NRG3: variants seen among roughly 807,000 people sequenced by gnomAD.
NRG3 encodes the protein neuregulin 3, also known as pro-neuregulin-3, membrane-bound isoform.
A neutral mutation model predicts 66.9 loss-of-function variants in NRG3; 31 were observed. The ratio of observed to expected loss-of-function variants is 0.46; its 90% CI spans 0.35 to 0.63. The LOEUF is 0.63. Among genes scored for constraint, NRG3 ranks in the 20% least tolerant of loss-of-function variants. The probability of loss-of-function intolerance (pLI) is 0.00; values close to 1 mark genes in which losing one functional copy is unlikely to be tolerated. For missense variants in NRG3, 910 were observed against 878.9 expected, an observed-to-expected ratio of 1.04 and a Z score of -0.45; for synonymous variants, 393 against 359.4, an observed-to-expected ratio of 1.09 and a Z score of -1.06.
chr10:82,980,829 C>T (rs558956696), intron 8 of NRG3, among the ~76,000 whole-genome samples: 1 of 152,196 alleles, frequency 6.6e-6, no homozygotes, highest in Non-Finnish European at 1.5e-5. Flanking sequence ...GTTTGCATTT[C>T]TCTTGGTCTT....
chr10:82,015,957 T>A (rs562174955), intron 1 of NRG3, among the ~76,000 whole-genome samples: 1 of 151,230 alleles, frequency 6.6e-6, no homozygotes. Flanking sequence ...ATCATCATTT[T>A]CATTGATGTT....
intron 2 of NRG3, among the ~76,000 whole-genome samples, chr10:82,441,982 G>A (rs2090455249): frequency 6.6e-6 from 1 of 152,172 alleles, no homozygotes; most frequent in Admixed American, 6.5e-5. Context: ...TGGGATTGCT[G>A]TTGTACTGTA....
chr10:82,533,341 A>G (rs962989031), intron 2 of NRG3, among the ~76,000 whole-genome samples: 2 of 151,938 alleles, frequency 1.3e-5, no homozygotes, highest in African/African-American at 4.8e-5. Flanking sequence ...TGCTTTTGGT[A>G]TTATATCTGT....
At chr10:82,724,275 G>A (rs1245587511) in intron 2 of NRG3, among the ~76,000 whole-genome samples, 1 of 151,422 alleles carries the variant, frequency 6.6e-6, no homozygotes, top group Non-Finnish European at 1.5e-5. Flanking sequence ...AGGTACATGA[G>A]GCTTTTAATA....
chr10:82,591,128 G>A (rs577579589), intron 2 of NRG3, among the ~76,000 whole-genome samples: 9 of 152,290 alleles, frequency 5.9e-5, no homozygotes, highest in African/African-American at 1.7e-4. Context: ...GGGTTTCTCA[G>A]GTTCTCCTGA....
chr10:82,483,064 C>G (rs531805583), intron 2 of NRG3, among the ~76,000 whole-genome samples: 1 of 152,136 alleles, frequency 6.6e-6, no homozygotes, highest in Non-Finnish European at 1.5e-5. Context: ...TTCAAAGTTT[C>G]TGTCCAGGAA....
chr10:82,011,269 T>C (rs1320017278), intron 1 of NRG3, among the ~76,000 whole-genome samples: 4 of 152,176 alleles, frequency 2.6e-5, no homozygotes, highest in African/African-American at 9.7e-5. Flanking sequence ...CTTCCATTTA[T>C]AGAAGCATCA....
rs149267641 is a variant in NRG3 at position 82,244,202 on chromosome 10, G to A, written c.824-114537G>A. ...GGCTTGGACAGTGACAATAGCATTC[G>A]TGCTGTTCAACTGGCAGGGAACCTA... On this transcript the variant is annotated intron_variant, in intron 1 of 8. Coordinates refer to ENST00000372141, the MANE Select transcript of NRG3 (RefSeq NM_001010848.4). Among the ~76,000 whole-genome samples, 942 of 152,130 alleles carry A rather than the reference G, an allele frequency of 6.2e-3. 5 individuals carry two copies. The highest frequency in any genetic ancestry group is 0.016 in the African/African-American group (657 of 41,510).
intron 1 of NRG3, among the ~76,000 whole-genome samples, chr10:82,301,059 A>C (rs188636511): frequency 1.3e-4 from 20 of 152,334 alleles, no homozygotes; most frequent in Non-Finnish European, 5.9e-5. Context: ...TGTGCATTAA[A>C]ATATCTCTTG....
At chr10:81,905,944 C>G (rs1844560415) in intron 1 of NRG3, among the ~76,000 whole-genome samples, 1 of 152,160 alleles carries the variant, frequency 6.6e-6, no homozygotes. Flanking sequence ...TTCTTTAGCC[C>G]TACAGTTTAT....
chr10:82,325,710 T>C (rs1179477783), intron 1 of NRG3, among the ~76,000 whole-genome samples: 1 of 152,172 alleles, frequency 6.6e-6, no homozygotes, highest in Non-Finnish European at 1.5e-5. Context: ...AGTTTTAGTA[T>C]ATACCTCTAG....
intron 2 of NRG3, among the ~76,000 whole-genome samples, chr10:82,619,064 GATTTTT>G (rs1367139234): frequency 2.0e-5 from 3 of 151,846 alleles, no homozygotes; most frequent in African/African-American, 7.3e-5. Flanking sequence ...TACCATTAGA[GATTTTT>G]ATTTTTATCT....
At chr10:82,444,665 G>C (rs1169351117) in intron 2 of NRG3, among the ~76,000 whole-genome samples, 4 of 152,098 alleles carry the variant, frequency 2.6e-5, no homozygotes, top group Admixed American at 1.3e-4. Context: ...CCAAAGCAGA[G>C]GGAAAGACAG....
intron 1 of NRG3, among the ~76,000 whole-genome samples, chr10:81,996,399 C>T (rs879475777): frequency 2.6e-5 from 4 of 152,106 alleles, no homozygotes; most frequent in Non-Finnish European, 4.4e-5. Flanking sequence ...CTATTTACCC[C>T]CATTCCACCC....
At chr10:82,868,972 G>A (rs755881393) in intron 4 of NRG3, among the ~76,000 whole-genome samples, 4 of 152,124 alleles carry the variant, frequency 2.6e-5, no homozygotes, top group Admixed American at 6.5e-5. Flanking sequence ...GATTACAGAC[G>A]TGAGCCACCA....
In NRG3 at chr10:81,990,006, G is replaced by C. The variant is rs113924134; in HGVS notation, c.823+113843G>C. Among the ~76,000 whole-genome samples the C allele has an allele frequency of 4.1e-3, 630 of 152,288 alleles. 2 individuals carry two copies. Among genetic ancestry groups the C allele is most frequent in the African/African-American group, 0.014 (591 of 41,554 alleles). On this transcript the variant is annotated intron_variant, in intron 1 of 8. Coordinates refer to ENST00000372141, the MANE Select transcript of NRG3 (RefSeq NM_001010848.4). Reference sequence around the variant, plus strand: ...TTACAGTAGGAATATTATAGATCATGTATGAAACTTAAGGGACTGATGCTG... The same window carrying C: ...TTACAGTAGGAATATTATAGATCATCTATGAAACTTAAGGGACTGATGCTG...
intron 1 of NRG3, among the ~76,000 whole-genome samples, chr10:82,112,294 G>C (rs935388798): frequency 6.6e-6 from 1 of 151,978 alleles, no homozygotes; most frequent in South Asian, 2.1e-4. Context: ...TTCTGTTTTC[G>C]CTTATTATTA....
At chr10:82,699,775 A>G (rs1212486434) in intron 2 of NRG3, among the ~76,000 whole-genome samples, 2 of 151,998 alleles carry the variant, frequency 1.3e-5, no homozygotes, top group Non-Finnish European at 2.9e-5. Context: ...GGCAATATCC[A>G]TGAATTATTC....
At chr10:82,116,555 T>C (rs529360318) in intron 1 of NRG3, among the ~76,000 whole-genome samples, 1 of 152,190 alleles carries the variant, frequency 6.6e-6, no homozygotes, top group Non-Finnish European at 1.5e-5. Flanking sequence ...GAGGATCTCA[T>C]ATAAGTGCAT....
Sources: allele counts gnomAD v4.1 joint callset (sites outside exome capture counted in the v4.1 genomes callset), GRCh38; gene constraint gnomAD v4.1.1; transcripts MANE v1.5; gene names NCBI Gene and HGNC (gene_info 2026-07-23, HGNC 2026-07-21).